Variants in GTF2F2 observed in about 807,000 individuals in gnomAD.
GTF2F2 encodes general transcription factor IIF subunit 2, also known as ATP-dependent helicase GTF2F2.
GTF2F2 carries 23 observed loss-of-function variants against 42.2 expected under a neutral mutation model. The observed-to-expected ratio is 0.55, with a 90% CI of 0.39 to 0.77. The LOEUF is 0.77. Ranked by LOEUF, GTF2F2 falls within the 30% of genes least tolerant of loss-of-function variation. GTF2F2 has a pLI of 0.00. For synonymous variants in GTF2F2, 105 were observed against 100.8 expected (o/e 1.04, Z -0.25); for missense variants, 261 against 287.2 (o/e 0.91, Z 0.66).
At chr13:45,225,883 ATTGT>A (rs1466215670) in intron 5 of GTF2F2, among the ~76,000 whole-genome samples, 1 of 152,028 alleles carries the variant, frequency 6.6e-6, no homozygotes, top group African/African-American at 2.4e-5. Flanking sequence ...TTGTTTCCTC[ATTGT>A]TTGTTACAGG....
intron 4 of GTF2F2, among the ~76,000 whole-genome samples, chr13:45,177,566 A>T (rs1450110089): frequency 6.6e-6 from 1 of 152,254 alleles, no homozygotes; most frequent in East Asian, 1.9e-4. Context: ...TGTCTTGGTT[A>T]TCAGACAGAC....
chr13:45,136,958 C>A, intron 2 of GTF2F2, 152 bp downstream of exon 2: 1 of 606,336 alleles, frequency 1.6e-6, no homozygotes. Context: ...GGTTAGGTGC[C>A]CTGTAAGGAG....
At chr13:45,281,836 T>C (rs1033302018) in intron 7 of GTF2F2, among the ~76,000 whole-genome samples, 7 of 152,250 alleles carry the variant, frequency 4.6e-5, no homozygotes, top group African/African-American at 1.7e-4. Context: ...ACTAGTTCTT[T>C]GAAGCACACG....
intron 4 of GTF2F2, chr13:45,194,407 TACTTGGTC>T (rs1268046971): frequency 6.2e-7 from 1 of 1,614,086 alleles, no homozygotes; most frequent in Non-Finnish European, 8.5e-7. Flanking sequence ...AGTGTCTGGG[TACTTGGTC>T]AGTGTTTGTT....
At chr13:45,248,782 A>G (rs1423630985) in intron 5 of GTF2F2, among the ~76,000 whole-genome samples, 1 of 152,158 alleles carries the variant, frequency 6.6e-6, no homozygotes, top group Non-Finnish European at 1.5e-5. Flanking sequence ...AGCCAGCACC[A>G]AGTATTTTTT....
Position 45,252,879 on chromosome 13 carries a change from T to C in GTF2F2, c.395T>C (p.Ile132Thr), listed in dbSNP as rs1449994443. 4 of 1,455,552 alleles carry C rather than the reference T, an allele frequency of 2.7e-6. No individual in the cohort carries two copies. 90.2% of individuals were successfully genotyped at this position (1,455,552 alleles called of 1,614,324 possible). The change falls in exon 6 of 8, where the codon ATA becomes ACA. Residue 132 changes from isoleucine (I) to threonine (T), a missense_variant. Transcript: ENST00000340473. ...CTTATATTTTTTTTCAGATTGCAAA[T>C]AGAAGAGTCTTCCAAACCAGTGAGG... ...ENYMRLKRLQ[I>T]EESSKPVRLS...
At chr13:45,179,382 T>C (rs1030237829) in intron 4 of GTF2F2, among the ~76,000 whole-genome samples, 17 of 152,196 alleles carry the variant, frequency 1.1e-4, no homozygotes, top group African/African-American at 3.6e-4. Context: ...TGGAATCTTT[T>C]TGAGAGTAAA....
At chr13:45,200,447 C>G (rs185573741) in intron 4 of GTF2F2, among the ~76,000 whole-genome samples, 1 of 152,244 alleles carries the variant, frequency 6.6e-6, no homozygotes, top group East Asian at 1.9e-4. Flanking sequence ...GTTGGGGCCA[C>G]AGGCATACCC....
chr13:45,191,224 A>AAAATATATATATAT, intron 4 of GTF2F2, among the ~76,000 whole-genome samples: 18 of 75,308 alleles, frequency 2.4e-4, no homozygotes, highest in Admixed American at 4.1e-4. Context: ...ACAAAAAAAA[A>AAAATATATATATAT]ATATATATAT....
Position 45,149,763 on chromosome 13 carries a change from C to G in GTF2F2, c.141-7C>G, listed in dbSNP as rs1285664198. ...TTATTTTAAATATTTCTTTTCCTCT[C>G]CTTTAGGACTCAAGGAAGGACTGAG... On this transcript the variant is annotated splice_region_variant and splice_polypyrimidine_tract_variant and intron_variant, in intron 2 of 7. Transcript: ENST00000340473. The G allele has an allele frequency of 6.6e-7, 1 of 1,509,276 alleles. No homozygotes were observed. Among genetic ancestry groups the G allele is most frequent in the Non-Finnish European group, 8.9e-7 (1 of 1,122,522 alleles). 93.5% of individuals were successfully genotyped at this position (1,509,276 alleles called of 1,614,324 possible).
chr13:45,272,406 G>T (rs1482712976), intron 7 of GTF2F2, among the ~76,000 whole-genome samples: 1 of 139,944 alleles, frequency 7.1e-6, no homozygotes, highest in Non-Finnish European at 1.5e-5. Flanking sequence ...CTTTTTATAT[G>T]GTTTTGTTTT....
intron 1 of GTF2F2, among the ~76,000 whole-genome samples, chr13:45,121,126 A>T (rs1482151939): frequency 6.6e-6 from 1 of 152,216 alleles, no homozygotes; most frequent in African/African-American, 2.4e-5. Context: ...CTCGGCCAGA[A>T]AGTAGGACTG....
chr13:45,245,835 G>A (rs1022568564), intron 5 of GTF2F2, among the ~76,000 whole-genome samples: 4 of 145,180 alleles, frequency 2.8e-5, no homozygotes, highest in African/African-American at 1.0e-4. Flanking sequence ...CAGCTACTCG[G>A]GAGGCTGAGG....
intron 4 of GTF2F2, among the ~76,000 whole-genome samples, chr13:45,203,876 T>C (rs1328092801): frequency 3.9e-5 from 6 of 152,290 alleles, no homozygotes; most frequent in East Asian, 3.9e-4. Context: ...TTTATGTACC[T>C]GTCTTATCCT....
intron 4 of GTF2F2, among the ~76,000 whole-genome samples, chr13:45,165,332 T>TATATA (rs1491334032): frequency 2.2e-5 from 2 of 92,172 alleles, no homozygotes; most frequent in African/African-American, 1.1e-4. Context: ...TATATATATA[T>TATATA]TTTTTTTTTC....
chr13:45,171,163 C>T (rs1393862599), intron 4 of GTF2F2, among the ~76,000 whole-genome samples: 7 of 150,398 alleles, frequency 4.7e-5, no homozygotes, highest in African/African-American at 1.5e-4. Flanking sequence ...CTGCAACCTC[C>T]GCCTCCCAGG....
chr13:45,122,174 A>G (rs890288674), intron 1 of GTF2F2, among the ~76,000 whole-genome samples: 2 of 152,220 alleles, frequency 1.3e-5, no homozygotes, highest in Non-Finnish European at 2.9e-5. Flanking sequence ...AGATTGTCAT[A>G]TCATGAAACG....
intron 4 of GTF2F2, among the ~76,000 whole-genome samples, chr13:45,168,693 C>A (rs1278581354): frequency 6.6e-6 from 1 of 151,998 alleles, no homozygotes; most frequent in Admixed American, 6.6e-5. Context: ...GTTCATGGCA[C>A]CCCCTACCTC....
In GTF2F2 at chr13:45,142,727, G is replaced by A. The variant is rs566615919; in HGVS notation, c.140+5921G>A. 9.8e-5 allele frequency among the ~76,000 whole-genome samples: 15 copies of A among 152,298 alleles called. No individual in the cohort carries two copies. The East Asian group carries it at 2.1e-3, about 22-fold the overall frequency. On this transcript the variant is annotated intron_variant, in intron 2 of 7. Coordinates refer to ENST00000340473, the MANE Select transcript of GTF2F2 (RefSeq NM_004128.3). ...TTGTTGCCTAGTTGGTCTCCTGGCT[G>A]TATTCTCCAGGCTGTCTTGTTTACT...
Sources: allele counts gnomAD v4.1 joint callset (sites outside exome capture counted in the v4.1 genomes callset), GRCh38; gene constraint gnomAD v4.1.1; transcripts MANE v1.5; gene names NCBI Gene and HGNC (gene_info 2026-07-23, HGNC 2026-07-21).